CDK14: variants seen among roughly 807,000 people sequenced by gnomAD.
CDK14 encodes the protein cyclin-dependent kinase 14.
Under a neutral mutation model 60.7 loss-of-function variants are expected in CDK14, and 34 were observed. The ratio of observed to expected loss-of-function variants is 0.56; its 90% confidence interval spans 0.43 to 0.75. CDK14 has a LOEUF of 0.75. Ranked by LOEUF, CDK14 falls within the 30% of genes least tolerant of loss-of-function variation. The pLI, the probability that CDK14 is intolerant of heterozygous loss-of-function variation, is 0.00. For synonymous variants in CDK14, 197 were observed against 203.7 expected (o/e 0.97, Z 0.28); for missense variants, 482 against 564.1 (o/e 0.85, Z 1.47).
chr7:90,672,502 G>GTTTTTTTTTTTTTTT (rs201978996), intron 2 of CDK14, among the ~76,000 whole-genome samples: 3 of 49,984 alleles, frequency 6.0e-5, no homozygotes, highest in African/African-American at 8.0e-5. Context: ...TTCTTCTTCT[G>GTTTTTTTTTTTTTTT]TTTTTTTTTT....
intron 5 of CDK14, among the ~76,000 whole-genome samples, chr7:90,843,679 A>G (rs915404900): frequency 1.3e-5 from 2 of 152,134 alleles, no homozygotes; most frequent in African/African-American, 4.8e-5. Flanking sequence ...AAATGAAGAC[A>G]CATAATCTGT....
chr7:90,855,492 G>A lies in CDK14; in HGVS notation c.545-7683G>A, dbSNP rs554514445. On this transcript the variant is annotated intron_variant, in intron 5 of 14. Transcript: ENST00000380050. ...TATCTTTATCATAAACAATTCAAAT[G>A]ATGCAGAAAGATATATGTAGGATAT... is the stretch of plus-strand genomic sequence containing the variant. Among the ~76,000 whole-genome samples, 5 of 152,184 alleles carry A rather than the reference G, an allele frequency of 3.3e-5. No individual in the cohort carries two copies. In the East Asian group the frequency reaches 9.7e-4, roughly 29 times the overall value.
intron 9 of CDK14, among the ~76,000 whole-genome samples, chr7:90,957,295 A>G (rs2117573290): frequency 6.6e-6 from 1 of 152,256 alleles, no homozygotes; most frequent in Admixed American, 6.5e-5. Context: ...TGACTTTTTA[A>G]TGATTGCGAT....
At chr7:91,010,801 T>TTCCTTCCTTCC (rs1796131511) in intron 10 of CDK14, among the ~76,000 whole-genome samples, 1 of 86,168 alleles carries the variant, frequency 1.2e-5, no homozygotes, top group Non-Finnish European at 2.2e-5. Flanking sequence ...TCCTTCCTTC[T>TTCCTTCCTTCC]TTCCTTCCTT....
chr7:90,653,353 C>T (rs1800686351), intron 2 of CDK14, among the ~76,000 whole-genome samples: 1 of 151,930 alleles, frequency 6.6e-6, no homozygotes, highest in Non-Finnish European at 1.5e-5. Context: ...TAATTTTTTT[C>T]AGTCTATTAA....
At chr7:90,811,956 G>T (rs1248475181) in intron 5 of CDK14, among the ~76,000 whole-genome samples, 1 of 152,158 alleles carries the variant, frequency 6.6e-6, no homozygotes, top group Admixed American at 6.6e-5. Context: ...TCATTAAAAA[G>T]TCAGGAAACA....
At chr7:91,080,915 T>C (rs1798467554) in intron 12 of CDK14, among the ~76,000 whole-genome samples, 1 of 152,216 alleles carries the variant, frequency 6.6e-6, no homozygotes, top group South Asian at 2.1e-4. Context: ...TTTAATAAAC[T>C]GAGTCCCACC....
At chr7:90,802,253 G>A (rs1026716946) in intron 5 of CDK14, among the ~76,000 whole-genome samples, 4 of 152,150 alleles carry the variant, frequency 2.6e-5, no homozygotes, top group Admixed American at 6.5e-5. Context: ...TAGGTGACAG[G>A]TTAAATTAGG....
At chr7:90,648,015 A>G (rs1038888281) in intron 2 of CDK14, among the ~76,000 whole-genome samples, 2 of 152,172 alleles carry the variant, frequency 1.3e-5, no homozygotes, top group African/African-American at 4.8e-5. Context: ...AGGGTATGTT[A>G]GTTATCTATT....
intron 8 of CDK14, among the ~76,000 whole-genome samples, chr7:90,939,569 G>C (rs1040326915): frequency 6.6e-6 from 1 of 152,116 alleles, no homozygotes; most frequent in Non-Finnish European, 1.5e-5. Context: ...CAGTCTTCTT[G>C]GATGTAGAAA....
At chr7:91,131,150 A>G (rs1008731526) in intron 14 of CDK14, among the ~76,000 whole-genome samples, 11 of 151,422 alleles carry the variant, frequency 7.3e-5, no homozygotes, top group African/African-American at 2.7e-4. Context: ...GATTTTTTAG[A>G]AGAGTTGTAA....
At chr7:90,743,862 T>A (rs1483415576) in intron 3 of CDK14, among the ~76,000 whole-genome samples, 2 of 152,186 alleles carry the variant, frequency 1.3e-5, no homozygotes, top group Non-Finnish European at 2.9e-5. Context: ...TCAGATTTAC[T>A]CTTTTTTAAT....
At chr7:90,682,426 T>A (rs10281518) in intron 2 of CDK14, among the ~76,000 whole-genome samples, 130,797 of 152,182 alleles carry the variant, frequency 0.86, 56,509 homozygotes, top group East Asian at 1. Flanking sequence ...TGTCGGTCTA[T>A]TGTGTGTGTA....
At chr7:90,757,215 T>TGC (rs1804103631) in intron 4 of CDK14, among the ~76,000 whole-genome samples, 1 of 55,268 alleles carries the variant, frequency 1.8e-5, no homozygotes, top group Admixed American at 1.8e-4. Flanking sequence ...TTCCAGTGTG[T>TGC]GTGTGTGTGT....
intron 2 of CDK14, among the ~76,000 whole-genome samples, chr7:90,666,859 G>A (rs1800989626): frequency 6.6e-6 from 1 of 152,102 alleles, no homozygotes; most frequent in Non-Finnish European, 1.5e-5. Flanking sequence ...CACAAGAAAT[G>A]CACATTTTGT....
intron 10 of CDK14, among the ~76,000 whole-genome samples, chr7:91,002,730 C>G (rs760325501): frequency 6.6e-6 from 1 of 152,098 alleles, no homozygotes; most frequent in Non-Finnish European, 1.5e-5. Flanking sequence ...GAACCCCAGC[C>G]TCTTGAATCT....
intron 2 of CDK14, among the ~76,000 whole-genome samples, chr7:90,715,543 C>A (rs184876833): frequency 5.5e-4 from 83 of 151,882 alleles, no homozygotes; most frequent in Admixed American, 9.2e-4. Context: ...GAAATACACT[C>A]TGTTTTCCCC....
chr7:90,725,552 C>T (rs1035051596), intron 2 of CDK14, among the ~76,000 whole-genome samples: 1 of 152,094 alleles, frequency 6.6e-6, no homozygotes, highest in Non-Finnish European at 1.5e-5. Flanking sequence ...GTGGGCTTTT[C>T]ATAAATATCT....
chr7:90,649,238 TTCTTTCTTTC>T (rs1241752136), intron 2 of CDK14, among the ~76,000 whole-genome samples: 1 of 29,154 alleles, frequency 3.4e-5, no homozygotes, highest in Non-Finnish European at 7.3e-5. Flanking sequence ...AGCCTATAGT[TTCTTTCTTTC>T]TTTCTTTCTT....
Sources: gnomAD v4.1 joint callset for allele counts (sites outside exome capture counted in the v4.1 genomes callset) on GRCh38, gnomAD v4.1.1 for gene constraint, MANE v1.5 for transcripts, NCBI Gene and HGNC (gene_info 2026-07-23, HGNC 2026-07-21) for gene names.